The following WDFY1 variants were observed in gnomAD, a reference collection of about 807,000 sequenced individuals.
The protein encoded by WDFY1 is WD repeat and FYVE domain-containing protein 1.
A neutral mutation model predicts 56.4 loss-of-function variants in WDFY1; 32 were observed. The ratio of observed to expected loss-of-function variants is 0.57; its 90% CI spans 0.43 to 0.76. The LOEUF (loss-of-function observed/expected upper bound fraction) is 0.76. Ranked by LOEUF, WDFY1 falls within the 30% of genes least tolerant of loss-of-function variation. The probability of loss-of-function intolerance (pLI) is 0.00; values close to 1 mark genes in which losing one functional copy is unlikely to be tolerated. For missense variants in WDFY1, 480 were observed against 545.7 expected, an observed-to-expected ratio of 0.88 and a Z score of 1.20; for synonymous variants, 192 against 197.3, an observed-to-expected ratio of 0.97 and a Z score of 0.23.
At chr2:223,891,669 T>A (rs555165510) in intron 8 of WDFY1, among the ~76,000 whole-genome samples, 2 of 152,260 alleles carry the variant, frequency 1.3e-5, no homozygotes, top group South Asian at 4.2e-4. Flanking sequence ...CCACTTCTAC[T>A]TTCTAAGTAC....
intron 11 of WDFY1, 130 bp from the exon 12 acceptor site, chr2:223,878,860 C>T: frequency 1.7e-6 from 2 of 1,173,466 alleles, no homozygotes; most frequent in Non-Finnish European, 2.4e-6. Flanking sequence ...TCATTCTCCT[C>T]TTTCATAACA....
rs970883685 is a variant in WDFY1 at position 223,884,664 on chromosome 2, G to A, written c.917C>T (p.Thr306Met). 31 of 1,613,920 alleles carry A rather than the reference G, an allele frequency of 1.9e-5. No homozygotes were observed. The highest frequency in any genetic ancestry group is 2.3e-5 in the Non-Finnish European group (27 of 1,179,980). ...GCTACTCACTTGTCTTAGCCCCAGC[G>A]TCTTGGTGTCCCACATCTGCTTTAT... The part of the protein sequence containing the change: ...WNIKQMWDTK[T>M]LGLRQHHCRK... Residue 306 changes from threonine (T) to methionine (M), a missense_variant, in exon 9 of 12, where the codon ACG (threonine) becomes ATG (methionine). Thr to Met is a moderately conservative substitution (Grantham distance 81). Coordinates refer to ENST00000233055, the MANE Select transcript of WDFY1 (RefSeq NM_020830.5).
At chr2:223,897,372 ATATATAT>A (rs1693403248) in intron 6 of WDFY1, among the ~76,000 whole-genome samples, 1 of 12,800 alleles carries the variant, frequency 7.8e-5, no homozygotes, top group Non-Finnish European at 3.0e-4. Context: ...ATATATATAT[ATATATAT>A]ATATATATAT....
At chr2:223,907,208 C>T (rs780766245) in intron 3 of WDFY1, among the ~76,000 whole-genome samples, 2 of 151,930 alleles carry the variant, frequency 1.3e-5, no homozygotes, top group Non-Finnish European at 2.9e-5. Flanking sequence ...AACTCACAGC[C>T]TCAAGTGATC....
chr2:223,917,613 G>A (rs962155199), intron 2 of WDFY1, among the ~76,000 whole-genome samples: 2 of 151,740 alleles, frequency 1.3e-5, no homozygotes, highest in African/African-American at 4.8e-5. Flanking sequence ...TCGCTCTGTC[G>A]CCCAGGCTGG....
At chr2:223,907,009 C>G (rs960135469) in intron 3 of WDFY1, among the ~76,000 whole-genome samples, 2 of 151,180 alleles carry the variant, frequency 1.3e-5, no homozygotes, top group African/African-American at 4.9e-5. Context: ...GAGTCTCGCT[C>G]TGTCACCCAG....
rs181928689 is a variant in WDFY1, at chr2:223,902,329, G to A, written c.335-996C>T. Among the ~76,000 whole-genome samples the A allele has an allele frequency of 2.5e-3, 387 of 152,306 alleles. 1 individual carries two copies. Among genetic ancestry groups the A allele is most frequent in the African/African-American group, 8.7e-3 (362 of 41,568 alleles). On this transcript the variant is annotated intron_variant, in intron 4 of 11. Coordinates refer to ENST00000233055, the MANE Select transcript of WDFY1 (RefSeq NM_020830.5). The stretch of plus-strand genomic sequence containing the variant: ...ATAATCCCAGCACTTTTGGGAGGCC[G>A]AGGCAGGAGGATTGTTTGAGGCCAG...
At chr2:223,885,939 T>A (rs756465825) in intron 8 of WDFY1, among the ~76,000 whole-genome samples, 3 of 152,314 alleles carry the variant, frequency 2.0e-5, no homozygotes, top group South Asian at 2.1e-4. Flanking sequence ...AACCAATGAG[T>A]TACTTTTTGG....
chr2:223,909,355 C>T (rs1469953320), intron 3 of WDFY1, among the ~76,000 whole-genome samples: 1 of 152,130 alleles, frequency 6.6e-6, no homozygotes, highest in Non-Finnish European at 1.5e-5. Context: ...TCCTCCCTGG[C>T]TGGCCTCCCC....
At chr2:223,929,164 C>CT (rs1553538007) in intron 1 of WDFY1, among the ~76,000 whole-genome samples, 41 of 127,706 alleles carry the variant, frequency 3.2e-4, no homozygotes, top group Admixed American at 6.0e-4. Flanking sequence ...TGTCTAACTT[C>CT]TTTTTTTTTT....
rs1553536049 is a variant in WDFY1 at position 223,896,175 on chromosome 2, A to AAAAAC, written c.599-546_599-545insGTTTT. 2.5e-3 allele frequency among the ~76,000 whole-genome samples: 362 copies of AAAAAC among 147,296 alleles called. 14 individuals carry two copies. Among genetic ancestry groups the AAAAAC allele is most frequent in the African/African-American group, 9.0e-3 (350 of 38,820 alleles). On this transcript the variant is annotated intron_variant, in intron 6 of 11. Coordinates refer to ENST00000233055, the MANE Select transcript of WDFY1 (RefSeq NM_020830.5). ...TGTCTCAAAAAAAAAAAAAAAAAAA[A>AAAAAC]AAAAAAAACTGCTTGTAATACAAAG...
intron 3 of WDFY1, among the ~76,000 whole-genome samples, chr2:223,911,175 TAA>T (rs1296778864): frequency 6.6e-6 from 1 of 152,164 alleles, no homozygotes; most frequent in Non-Finnish European, 1.5e-5. Context: ...TCTATTTATA[TAA>T]AGTGTCTAAA....
chr2:223,921,381 G>A (rs1379745373), intron 1 of WDFY1, among the ~76,000 whole-genome samples: 2 of 152,038 alleles, frequency 1.3e-5, no homozygotes, highest in East Asian at 1.9e-4. Context: ...AACATACTGA[G>A]CACCATTCAG....
chr2:223,881,530 C>T (rs1693071161), intron 10 of WDFY1, among the ~76,000 whole-genome samples: 1 of 152,200 alleles, frequency 6.6e-6, no homozygotes, highest in Admixed American at 6.5e-5. Flanking sequence ...TGGCTCGCGC[C>T]TGTAATCCTG....
At chr2:223,916,659 A>T (rs1020354559) in intron 2 of WDFY1, among the ~76,000 whole-genome samples, 1 of 152,140 alleles carries the variant, frequency 6.6e-6, no homozygotes, top group Admixed American at 6.6e-5. Flanking sequence ...TTGACTCCCC[A>T]TTTGAACTTT....
chr2:223,919,317 T>C (rs1559172102), intron 1 of WDFY1, among the ~76,000 whole-genome samples: 5 of 152,130 alleles, frequency 3.3e-5, no homozygotes. Context: ...TTCAAGGGAT[T>C]CTCCTGCCTC....
chr2:223,904,380 T>C (rs1693562542), intron 4 of WDFY1, among the ~76,000 whole-genome samples: 2 of 152,162 alleles, frequency 1.3e-5, no homozygotes, highest in Admixed American at 6.5e-5. Context: ...GCCTCCTAAG[T>C]AGCTGGGACT....
chr2:223,901,401 T>C (rs1693506364), intron 4 of WDFY1, 68 bp from the exon 5 acceptor site: 6 of 1,569,042 alleles, frequency 3.8e-6, no homozygotes, highest in Non-Finnish European at 5.2e-6. Context: ...GAACTGAGGC[T>C]CAACCTCTCA....
At chr2:223,880,092 C>A in intron 11 of WDFY1, 32 bp downstream of exon 11, 1 of 1,579,990 alleles carries the variant, frequency 6.3e-7, no homozygotes, top group Non-Finnish European at 8.7e-7. Flanking sequence ...GCAATCTCAA[C>A]TGAGATGCTG....
Sources: allele counts gnomAD v4.1 joint callset (sites outside exome capture counted in the v4.1 genomes callset), GRCh38; gene constraint gnomAD v4.1.1; transcripts MANE v1.5; gene names NCBI Gene and HGNC (gene_info 2026-07-23, HGNC 2026-07-21).